KCTD3: variants seen among roughly 807,000 people sequenced by gnomAD.
KCTD3 encodes the protein potassium channel tetramerization domain containing 3.
Under a neutral mutation model 85.8 loss-of-function variants are expected in KCTD3, and 41 were observed. The ratio of observed to expected loss-of-function variants is 0.48; its 90% CI spans 0.37 to 0.62. The LOEUF is 0.62. Among genes scored for constraint, KCTD3 ranks in the 20% least tolerant of loss-of-function variants. KCTD3 has a pLI of 0.00. For synonymous variants in KCTD3, 338 were observed against 345.4 expected (o/e 0.98, Z 0.24); for missense variants, 724 against 989.9 (o/e 0.73, Z 3.60).
chr1:215,603,910 G>T (rs983019490), intron 12 of KCTD3, among the ~76,000 whole-genome samples: 1 of 152,118 alleles, frequency 6.6e-6, no homozygotes, highest in Non-Finnish European at 1.5e-5. Context: ...GAGGTGAATA[G>T]TTACGTCTTG....
At chr1:215,600,543 TTGTC>T (rs1654792097) in intron 10 of KCTD3, among the ~76,000 whole-genome samples, 1 of 152,192 alleles carries the variant, frequency 6.6e-6, no homozygotes, top group African/African-American at 2.4e-5. Context: ...CACACTATAA[TTGTC>T]TGTTATTTTT....
In KCTD3 at chr1:215,619,262, G is replaced by A. The variant is rs376278532; in HGVS notation, c.1857G>A (p.Gln619=). 5 of 1,613,592 alleles carry A rather than the reference G, an allele frequency of 3.1e-6. No homozygotes were observed. In the African/African-American group the frequency reaches 6.7e-5, roughly 22 times the overall value. The change falls in exon 17 of 18, where the codon CAG becomes CAA. Residue 619 remains glutamine, a synonymous_variant. Coordinates refer to ENST00000259154, the MANE Select transcript of KCTD3 (RefSeq NM_016121.5). ...PNISPATSVV[Q]HSHLRESNSS... is the part of the protein sequence containing the mutation. Reference sequence around the variant, plus strand: ...TCAGTCCAGCAACTTCCGTAGTTCAGCATAGCCACTTACGAGAATCAAATT... The same window carrying A: ...TCAGTCCAGCAACTTCCGTAGTTCAACATAGCCACTTACGAGAATCAAATT...
intron 9 of KCTD3, among the ~76,000 whole-genome samples, chr1:215,592,518 CAG>C (rs1660263821): frequency 6.6e-6 from 1 of 152,068 alleles, no homozygotes; most frequent in South Asian, 2.1e-4. Flanking sequence ...GGTAATTAAA[CAG>C]AAGGTAAATC....
intron 9 of KCTD3, among the ~76,000 whole-genome samples, chr1:215,589,076 T>C (rs1021157167): frequency 6.6e-5 from 10 of 152,176 alleles, no homozygotes; most frequent in Non-Finnish European, 1.3e-4. Flanking sequence ...ACCAAACAAT[T>C]TCTGGATTAA....
rs772020911 is a variant in KCTD3 at position 215,604,263 on chromosome 1, G to A, written c.1270G>A (p.Val424Ile). The A allele has an allele frequency of 9.9e-6, 16 of 1,613,620 alleles. No individual in the cohort carries two copies. Among genetic ancestry groups the A allele is most frequent in the African/African-American group, 4.0e-5 (3 of 74,878 alleles). Residue 424 changes from valine to isoleucine, a missense_variant, in exon 13 of 18, where the codon GTA (valine) becomes ATA (isoleucine). Physicochemically the swap from Val to Ile is conservative, Grantham distance 29. Transcript: ENST00000259154. ...GACTTTCACAGTTCACCGAAGTCCC[G>A]TAACAAAAATCATGCTATCAGAGAA... Reference protein sequence around the residue: ...FQTFTVHRSPVTKIMLSEKHL... With the variant: ...FQTFTVHRSPITKIMLSEKHL...
chr1:215,591,482 C>T (rs369890988), intron 9 of KCTD3, among the ~76,000 whole-genome samples: 8 of 152,200 alleles, frequency 5.3e-5, no homozygotes, highest in African/African-American at 1.2e-4. Flanking sequence ...CTCAGCCTCT[C>T]GAGTAGCTGG....
At position 215,586,567 on chromosome 1, in the gene KCTD3, T is replaced by C; in HGVS notation, c.699T>C (p.Ala233=). ...PYLDWTIERV[A]LNAKVVGGPH... is the part of the protein sequence containing the mutation. Reference sequence around the variant, plus strand: ...TGGATTGGACTATCGAACGAGTAGCTTTAAATGCAAAGGTGGTTGGAGGGC... The same window carrying C: ...TGGATTGGACTATCGAACGAGTAGCCTTAAATGCAAAGGTGGTTGGAGGGC... The change falls in exon 9 of 18, where the codon GCT becomes GCC. Residue 233 remains alanine, a synonymous_variant. Transcript: ENST00000259154. 6.2e-7 allele frequency: 1 copy of C among 1,614,108 alleles called. No individual in the cohort carries two copies. The highest frequency in any genetic ancestry group is 8.5e-7 in the Non-Finnish European group (1 of 1,180,008).
At chr1:215,615,392 G>A (rs1158788876) in intron 15 of KCTD3, among the ~76,000 whole-genome samples, 6 of 151,910 alleles carry the variant, frequency 3.9e-5, no homozygotes, top group African/African-American at 1.4e-4. Flanking sequence ...AGGCCGAGGC[G>A]GGCAGATCAC....
At chr1:215,607,897 A>T in intron 13 of KCTD3, 120 bp from the exon 14 acceptor site, 1 of 654,572 alleles carries the variant, frequency 1.5e-6, no homozygotes, top group Non-Finnish European at 2.3e-6. Flanking sequence ...TATAGTTTTA[A>T]GATAAATATG....
chr1:215,608,045 G>C lies in KCTD3; in HGVS notation c.1338G>C (p.Thr446=). 1 of 1,610,980 alleles carries C rather than the reference G, an allele frequency of 6.2e-7. No individual in the cohort carries two copies. The highest frequency in any genetic ancestry group is 8.5e-7 in the Non-Finnish European group (1 of 1,178,354). The part of the protein sequence containing the change: ...SVCADNNHVR[T]WTVTRFRGMI... ...GTGCAGATAATAATCATGTCCGGACGTGGACAGTAACACGATTCAGAGGAA... is the reference window on the plus strand; with the variant it reads ...GTGCAGATAATAATCATGTCCGGACCTGGACAGTAACACGATTCAGAGGAA... Residue 446 remains threonine, a synonymous_variant, in exon 14 of 18, where the codon ACG becomes ACC. Transcript: ENST00000259154.
intron 8 of KCTD3, chr1:215,581,107 G>A (rs1310676874): frequency 9.1e-6 from 3 of 329,604 alleles, no homozygotes; most frequent in South Asian, 4.6e-5. Context: ...TTAGCCAGGT[G>A]TGGTGATGCA....
intron 15 of KCTD3, 102 bp downstream of exon 15, chr1:215,612,023 C>A: frequency 1.4e-6 from 1 of 736,260 alleles, no homozygotes; most frequent in Non-Finnish European, 2.4e-6. Flanking sequence ...CTACTAGAAA[C>A]AAATTGTTGG....
chr1:215,587,520 C>T (rs1286945269), intron 9 of KCTD3, among the ~76,000 whole-genome samples: 1 of 152,116 alleles, frequency 6.6e-6, no homozygotes, highest in African/African-American at 2.4e-5. Context: ...TAATCCATTG[C>T]ATAACTTAAG....
intron 15 of KCTD3, among the ~76,000 whole-genome samples, chr1:215,615,347 G>A (rs1424933767): frequency 6.6e-6 from 1 of 152,128 alleles, no homozygotes. Flanking sequence ...CCGGCCGGGC[G>A]TGGTGGCTCA....
chr1:215,575,691 GAAGAAAAAGACACCATCTC>G (rs1333406865), intron 3 of KCTD3, among the ~76,000 whole-genome samples, 191 bp from the exon 4 acceptor site: 2 of 151,946 alleles, frequency 1.3e-5, no homozygotes, highest in East Asian at 1.9e-4. Context: ...CTATTCAGAG[GAAGAAAAAGACACCATCTC>G]AAGAAAAAGA....
intron 4 of KCTD3, 146 bp downstream of exon 4, chr1:215,576,120 G>A (rs1048924212): frequency 1.7e-6 from 1 of 587,738 alleles, no homozygotes; most frequent in South Asian, 2.2e-5. Flanking sequence ...GAGTGCAGGA[G>A]TGCAGTGGCA....
chr1:215,567,750 T>A lies in KCTD3; in HGVS notation c.65T>A (p.Leu22Gln). Residue 22 changes from leucine to glutamine, a missense_variant, in exon 1 of 18, where the codon CTG (leucine) becomes CAG (glutamine). Transcript: ENST00000259154. ...AAAGSGEIVQLNVGGTRFSTS... is the reference protein window; with the variant it reads ...AAAGSGEIVQQNVGGTRFSTS... Reference sequence around the variant, plus strand: ...GCCGGCAGCGGCGAGATCGTCCAACTGAACGTAGGGGGGACCAGGTGAGTC... The same window carrying A: ...GCCGGCAGCGGCGAGATCGTCCAACAGAACGTAGGGGGGACCAGGTGAGTC... The A allele has an allele frequency of 1.6e-6, 2 of 1,244,888 alleles. No homozygotes were observed. The highest frequency in any genetic ancestry group is 2.0e-6 in the Non-Finnish European group (2 of 988,258). 77.1% of individuals were successfully genotyped at this position (1,244,888 alleles called of 1,614,324 possible). A position where few individuals can be genotyped will look rare whatever the true frequency, so the allele number is the denominator to read the frequency against.
At chr1:215,574,487 T>A (rs1178756323) in intron 3 of KCTD3, among the ~76,000 whole-genome samples, 2 of 152,172 alleles carry the variant, frequency 1.3e-5, no homozygotes, top group African/African-American at 2.4e-5. Flanking sequence ...TACAGTTTTT[T>A]ATTTTATTTT....
At chr1:215,570,243 T>C (rs557123118) in intron 1 of KCTD3, among the ~76,000 whole-genome samples, 53 of 151,782 alleles carry the variant, frequency 3.5e-4, no homozygotes, top group Non-Finnish European at 4.1e-4. Context: ...TTTTTTTTTT[T>C]CCCTCAGGAG....
Sources: allele counts gnomAD v4.1 joint callset (sites outside exome capture counted in the v4.1 genomes callset), GRCh38; gene constraint gnomAD v4.1.1; transcripts MANE v1.5; gene names NCBI Gene and HGNC (gene_info 2026-07-23, HGNC 2026-07-21).